The following KCND3 variants were observed in gnomAD, a reference collection of about 807,000 sequenced individuals.
KCND3 encodes A-type voltage-gated potassium channel KCND3.
A neutral mutation model predicts 51.1 loss-of-function variants in KCND3; 9 were observed. The observed-to-expected ratio is 0.18, with a 90% CI of 0.11 to 0.31. The LOEUF (loss-of-function observed/expected upper bound fraction) is 0.31, where lower values mean the gene tolerates loss of function less well. KCND3 is among the 10% of genes least tolerant of loss of function. The pLI is 1.00. For missense variants in KCND3, 526 were observed against 903.8 expected (o/e 0.58, Z 5.36); for synonymous variants, 349 against 368.0 (o/e 0.95, Z 0.59).
At chr1:111,796,476 AGGAACAT>A (rs1173092504) in intron 2 of KCND3, among the ~76,000 whole-genome samples, 1 of 152,232 alleles carries the variant, frequency 6.6e-6, no homozygotes, top group African/African-American at 2.4e-5. Context: ...TGTCCTCTGC[AGGAACAT>A]GGATGGAGCT....
chr1:111,943,393 A>G (rs2101890794), intron 2 of KCND3, among the ~76,000 whole-genome samples: 1 of 152,214 alleles, frequency 6.6e-6, no homozygotes, highest in East Asian at 1.9e-4. Flanking sequence ...TCCCCTGCCC[A>G]CTGGACTAGA....
intron 2 of KCND3, among the ~76,000 whole-genome samples, chr1:111,973,270 C>T (rs532070407): frequency 3.4e-4 from 51 of 152,220 alleles, no homozygotes; most frequent in Non-Finnish European, 5.4e-4. Context: ...TGTACAACCT[C>T]GAAGGCAAGG....
At chr1:111,822,635 C>A (rs1035280021) in intron 2 of KCND3, among the ~76,000 whole-genome samples, 6 of 152,190 alleles carry the variant, frequency 3.9e-5, no homozygotes, top group African/African-American at 1.4e-4. Flanking sequence ...TTGTTCCCAC[C>A]TTTTGGCTAC....
intron 1 of KCND3, among the ~76,000 whole-genome samples, chr1:111,985,213 G>A (rs931925365): frequency 6.6e-5 from 10 of 152,266 alleles, no homozygotes; most frequent in Admixed American, 3.3e-4. Flanking sequence ...GAGGGCTGAT[G>A]GTGTGCCAGG....
chr1:111,944,678 T>G (rs551591882), intron 2 of KCND3, among the ~76,000 whole-genome samples: 9 of 152,370 alleles, frequency 5.9e-5, no homozygotes, highest in African/African-American at 2.2e-4. Flanking sequence ...ATTGCCCTGA[T>G]GTTGGCTCAC....
chr1:111,972,656 A>C (rs1674406318), intron 2 of KCND3, among the ~76,000 whole-genome samples: 1 of 152,214 alleles, frequency 6.6e-6, no homozygotes, highest in African/African-American at 2.4e-5. Flanking sequence ...ATGTTTATTA[A>C]GCATTTATTC....
chr1:111,777,192 G>T lies in KCND3; in HGVS notation c.1600C>A (p.Pro534Thr), dbSNP rs1447493103. 1 of 1,614,204 alleles carries T rather than the reference G, an allele frequency of 6.2e-7. No individual in the cohort carries two copies. Among genetic ancestry groups the T allele is most frequent in the Non-Finnish European group, 8.5e-7 (1 of 1,180,034 alleles). ...SMQNYPSTRSPSLSSHPGLTT... is the reference protein window; with the variant it reads ...SMQNYPSTRSTSLSSHPGLTT... ...AGGCCTGGGTGGCTGGACAGTGAGG[G>T]ACTTCTTGTGGATGGGTAGTTCTGC... Residue 534 changes from proline to threonine, a missense_variant, in exon 7 of 8, where the codon CCC becomes ACC. Around this residue, in one of 5 missense-constraint regions of KCND3, gnomAD observed 266 missense variants for 305.5 expected, o/e 0.87. Transcript: ENST00000302127.
intron 2 of KCND3, among the ~76,000 whole-genome samples, chr1:111,808,889 G>T (rs182231455): frequency 2.6e-4 from 39 of 152,350 alleles, no homozygotes; most frequent in Non-Finnish European, 5.3e-4. Flanking sequence ...CTTGTATGTT[G>T]ACTTTAAGTG....
In KCND3 at chr1:111,778,417, A is replaced by T. The variant is rs1458684873; in HGVS notation, c.1518+19T>A. 6.2e-7 allele frequency: 1 copy of T among 1,609,848 alleles called. No individual in the cohort carries two copies. The highest frequency in any genetic ancestry group is 1.7e-4 in the Middle Eastern group (1 of 6,050). Reference sequence around the variant, plus strand: ...TTATCAGAGAGAAAAACATCAATTGAATTTTTAAAAAGTTATACCTTGATG... The same window carrying T: ...TTATCAGAGAGAAAAACATCAATTGTATTTTTAAAAAGTTATACCTTGATG... On this transcript the variant is annotated intron_variant, in intron 6 of 7. Transcript: ENST00000302127.
Position 111,780,336 on chromosome 1 carries a change from T to A in KCND3, c.1372-22A>T. 6.4e-7 allele frequency: 1 copy of A among 1,552,136 alleles called. No homozygotes were observed. Among genetic ancestry groups the A allele is most frequent in the Non-Finnish European group, 8.7e-7 (1 of 1,146,192 alleles). On this transcript the variant is annotated intron_variant, in intron 4 of 7. Transcript: ENST00000302127. This position sits in a 1 kb window ranked among gnomAD's most constrained non-coding sequence, Gnocchi z 4.2. ...TGCCCTAGTAAAAAAAGAAGAGAGA[T>A]TGAGTAAAAAGCTGGTGGCTCTTCC...
chr1:111,981,558 T>G lies in KCND3; in HGVS notation c.1106+63A>C. ...TACCCATGGTGACACCATCCAAGGT[T>G]TCAGAGGTCATCCAGCTGCCCTCCA... On this transcript the variant is annotated intron_variant, in intron 2 of 7. Transcript: ENST00000302127. This position sits in a 1 kb window ranked among gnomAD's most constrained non-coding sequence, Gnocchi z 6.2. The G allele has an allele frequency of 6.2e-7, 1 of 1,610,500 alleles. No individual in the cohort carries two copies. The highest frequency in any genetic ancestry group is 2.2e-5 in the East Asian group (1 of 44,848).
intron 2 of KCND3, among the ~76,000 whole-genome samples, chr1:111,834,960 A>G (rs1667004575): frequency 6.6e-6 from 1 of 152,142 alleles, no homozygotes; most frequent in Non-Finnish European, 1.5e-5. Context: ...CATTGCATCC[A>G]ATGGGTTCAG....
chr1:111,972,831 G>T lies in KCND3; in HGVS notation c.1106+8790C>A, dbSNP rs145691275. 2.6e-4 allele frequency among the ~76,000 whole-genome samples: 39 copies of T among 152,264 alleles called. No individual in the cohort carries two copies. The East Asian group carries it at 7.5e-3, about 29-fold the overall frequency. On this transcript the variant is annotated intron_variant, in intron 2 of 7. Transcript: ENST00000302127. ...CTAATATGCCTTGCAAATTCAACTG[G>T]ATGTTGAATAATGTTTGTTGAATTG...
chr1:111,835,095 C>T (rs922530660), intron 2 of KCND3, among the ~76,000 whole-genome samples: 3 of 152,134 alleles, frequency 2.0e-5, no homozygotes, highest in Non-Finnish European at 4.4e-5. Context: ...CCAAAGCAAC[C>T]TACAGAGATT....
chr1:111,781,329 G>T (rs921163716), intron 3 of KCND3, among the ~76,000 whole-genome samples: 5 of 152,060 alleles, frequency 3.3e-5, no homozygotes, highest in Non-Finnish European at 7.4e-5. Flanking sequence ...TATTACTAAG[G>T]AAATATATGT....
chr1:111,961,960 C>T (rs1243240566), intron 2 of KCND3, among the ~76,000 whole-genome samples: 1 of 152,096 alleles, frequency 6.6e-6, no homozygotes, highest in Non-Finnish European at 1.5e-5. Flanking sequence ...TTTCTCTGGC[C>T]CGAGTTGCTG....
intron 2 of KCND3, among the ~76,000 whole-genome samples, chr1:111,893,300 C>T (rs933422007): frequency 3.3e-5 from 5 of 152,070 alleles, no homozygotes; most frequent in African/African-American, 7.2e-5. Context: ...GGACACTTGA[C>T]GGAGAAGGTG....
rs1348057957 is a variant in KCND3, at chr1:111,956,130, CT to C, written c.1106+25490del. Reference sequence around the variant, plus strand: ...ACAAGCATAGGACAGATTGCAGATACTAGAGGAGTTAGGAGAGGAGGGAGTT... The same window carrying C: ...ACAAGCATAGGACAGATTGCAGATACAGAGGAGTTAGGAGAGGAGGGAGTT... On this transcript the variant is annotated intron_variant, in intron 2 of 7. Coordinates refer to ENST00000302127, the MANE Select transcript of KCND3 (RefSeq NM_001378969.1). Among the ~76,000 whole-genome samples, 3 of 152,062 alleles carry C rather than the reference CT, an allele frequency of 2.0e-5. No homozygotes were observed. In the South Asian group the frequency reaches 6.2e-4, roughly 32 times the overall value.
chr1:111,834,028 G>A lies in KCND3; in HGVS notation c.1107-46922C>T, dbSNP rs138543668. 9.1e-3 allele frequency among the ~76,000 whole-genome samples: 1,383 copies of A among 152,292 alleles called. 9 individuals are homozygous for A. The highest frequency in any genetic ancestry group is 0.014 in the Non-Finnish European group (935 of 68,032). On this transcript the variant is annotated intron_variant, in intron 2 of 7. Coordinates refer to ENST00000302127, the MANE Select transcript of KCND3 (RefSeq NM_001378969.1). ...GGTATGAAAATCCTTGATAAGCTGGGAAGTAAAACTCTGAGTCACTTGAGA... is the reference window on the plus strand; with the variant it reads ...GGTATGAAAATCCTTGATAAGCTGGAAAGTAAAACTCTGAGTCACTTGAGA...
Sources: allele counts gnomAD v4.1 joint callset (sites outside exome capture counted in the v4.1 genomes callset), GRCh38; gene constraint gnomAD v4.1.1; regional missense constraint gnomAD v4.1.1; non-coding constraint Gnocchi (gnomAD v3.1); transcripts MANE v1.5; gene names NCBI Gene and HGNC (gene_info 2026-07-23, HGNC 2026-07-21).